Variants in DNAH11 observed in about 807,000 individuals in gnomAD.
DNAH11 encodes the protein dynein axonemal heavy chain 11, also known as axonemal beta dynein heavy chain 11.
DNAH11 carries 442 observed loss-of-function variants against 526.0 expected under a neutral mutation model. The ratio of observed to expected loss-of-function variants is 0.84; its 90% CI spans 0.78 to 0.91. The LOEUF (loss-of-function observed/expected upper bound fraction) is 0.91, where lower values mean the gene tolerates loss of function less well. Ranked by LOEUF, DNAH11 falls within the 40% of genes least tolerant of loss-of-function variation. DNAH11 has a pLI of 0.00. For missense variants in DNAH11, 6,989 were observed against 5,448.7 expected, an observed-to-expected ratio of 1.28 and a Z score of -8.90; for synonymous variants, 2,461 against 1,935.9, an observed-to-expected ratio of 1.27 and a Z score of -7.12.
Position 21,854,431 on chromosome 7 carries a change from C to A in DNAH11, c.11178C>A (p.Asn3726Lys), listed in dbSNP as rs774414773. The A allele has an allele frequency of 6.2e-7, 1 of 1,613,722 alleles. No individual in the cohort carries two copies. The highest frequency in any genetic ancestry group is 8.5e-7 in the Non-Finnish European group (1 of 1,179,804). Reference protein sequence around the residue: ...YFVINDLQKINPLYQFSLKAF... With the variant: ...YFVINDLQKIKPLYQFSLKAF... ...TTATTAATGACCTCCAAAAAATCAA[C>A]CCCCTCTACCAATTCTCTTTGAAGG... The change falls in exon 68 of 82, where the codon AAC (asparagine) becomes AAA (lysine). Residue 3726 changes from asparagine to lysine, a missense_variant. Coordinates refer to ENST00000409508, the MANE Select transcript of DNAH11 (RefSeq NM_001277115.2).
chr7:21,705,332 T>A, intron 38 of DNAH11, 128 bp from the exon 39 acceptor site: 1 of 815,804 alleles, frequency 1.2e-6, no homozygotes, highest in South Asian at 1.7e-5. Context: ...TTTAACTTTC[T>A]CTGAACATAC....
At chr7:21,785,158 T>C (rs1018663152) in intron 58 of DNAH11, among the ~76,000 whole-genome samples, 2 of 152,204 alleles carry the variant, frequency 1.3e-5, no homozygotes, top group Admixed American at 6.5e-5. Context: ...CTGCCAGACC[T>C]CTGGGGAGAG....
At chr7:21,619,843 A>C (rs983352583) in intron 24 of DNAH11, 113 bp from the exon 25 acceptor site, 3 of 995,230 alleles carry the variant, frequency 3.0e-6, no homozygotes, top group South Asian at 1.6e-5. Context: ...AGCCAATAAT[A>C]CTTGATATCA....
At chr7:21,871,143 A>G (rs2128037226) in intron 73 of DNAH11, among the ~76,000 whole-genome samples, 1 of 152,380 alleles carries the variant, frequency 6.6e-6, no homozygotes, top group South Asian at 2.1e-4. Flanking sequence ...GTGTTTAGAT[A>G]GTAGTTAATC....
intron 30 of DNAH11, among the ~76,000 whole-genome samples, chr7:21,664,134 GTT>G (rs5882820): frequency 1.5e-5 from 2 of 131,364 alleles, no homozygotes; most frequent in Non-Finnish European, 3.2e-5. Context: ...ATTTCCCAAA[GTT>G]TTTTTTTTTT....
At chr7:21,727,793 G>C (rs996502627) in intron 45 of DNAH11, among the ~76,000 whole-genome samples, 1 of 152,194 alleles carries the variant, frequency 6.6e-6, no homozygotes, top group African/African-American at 2.4e-5. Flanking sequence ...AAAGACCAAA[G>C]ACCAGGTGGC....
chr7:21,872,212 C>T (rs963524354), intron 73 of DNAH11, among the ~76,000 whole-genome samples: 5 of 147,208 alleles, frequency 3.4e-5, no homozygotes, highest in Non-Finnish European at 7.5e-5. Context: ...CAAATACAGT[C>T]ACATTATGAG....
chr7:21,843,358 A>G (rs1365605990), intron 66 of DNAH11, among the ~76,000 whole-genome samples: 3 of 152,218 alleles, frequency 2.0e-5, no homozygotes, highest in African/African-American at 7.2e-5. Flanking sequence ...GAAGTGATAT[A>G]GTAGATATAC....
Position 21,599,984 on chromosome 7 carries a change from T to G in DNAH11, c.2865T>G (p.Ile955Met), listed in dbSNP as rs1785013444. 6.2e-7 allele frequency: 1 copy of G among 1,613,682 alleles called. No individual in the cohort carries two copies. Among genetic ancestry groups the G allele is most frequent in the African/African-American group, 1.3e-5 (1 of 74,912 alleles). The change falls in exon 15 of 82, where the codon ATT becomes ATG. Residue 955 changes from isoleucine (I) to methionine (M), a missense_variant. Transcript: ENST00000409508. ...QAQMILLPPEIVFKPSLDREA... is the reference protein window; with the variant it reads ...QAQMILLPPEMVFKPSLDREA... ...AAATGATCTTGTTGCCTCCTGAGAT[T>G]GTGTTTAAACCTTCCCTAGACAGAG...
intron 73 of DNAH11, among the ~76,000 whole-genome samples, chr7:21,869,555 G>C (rs188065301): frequency 6.6e-6 from 1 of 152,232 alleles, no homozygotes; most frequent in African/African-American, 2.4e-5. Flanking sequence ...CAACCTCACA[G>C]ATTGAATACC....
chr7:21,734,825 T>C (rs917006467), intron 45 of DNAH11, among the ~76,000 whole-genome samples: 11 of 151,376 alleles, frequency 7.3e-5, no homozygotes, highest in African/African-American at 2.7e-4. Flanking sequence ...GCCACTGCAC[T>C]CCAGCCTGGG....
intron 31 of DNAH11, 89 bp downstream of exon 31, chr7:21,681,766 T>C: frequency 6.6e-7 from 1 of 1,515,338 alleles, no homozygotes; most frequent in South Asian, 1.1e-5. Context: ...AGTCGTTGTT[T>C]TTTTGAAAGT....
intron 50 of DNAH11, 67 bp downstream of exon 50, chr7:21,744,666 G>A (rs1786064135): frequency 6.3e-7 from 1 of 1,582,420 alleles, no homozygotes; most frequent in South Asian, 1.2e-5. Flanking sequence ...ACTAAAGTTA[G>A]ATGAGGGTAT....
chr7:21,788,388 A>G (rs550458281), intron 60 of DNAH11, among the ~76,000 whole-genome samples: 20 of 152,030 alleles, frequency 1.3e-4, no homozygotes, highest in African/African-American at 2.2e-4. Context: ...TTTAGTGGCA[A>G]TCTTCATAAG....
At chr7:21,894,097 C>A (rs903044407) in intron 77 of DNAH11, among the ~76,000 whole-genome samples, 17 of 152,176 alleles carry the variant, frequency 1.1e-4, no homozygotes, top group African/African-American at 4.1e-4. Context: ...CCATGTTGGC[C>A]AGGCTGGTCT....
At chr7:21,614,097 G>C (rs1285428104) in intron 20 of DNAH11, among the ~76,000 whole-genome samples, 1 of 152,230 alleles carries the variant, frequency 6.6e-6, no homozygotes, top group South Asian at 2.1e-4. Flanking sequence ...AAAGCATCAT[G>C]TTGTACGTGA....
intron 36 of DNAH11, among the ~76,000 whole-genome samples, chr7:21,699,081 C>CT (rs1214369640): frequency 6.6e-6 from 1 of 152,040 alleles, no homozygotes; most frequent in Non-Finnish European, 1.5e-5. Flanking sequence ...TGTTGCCTCC[C>CT]TTTCTTCGTG....
intron 28 of DNAH11, among the ~76,000 whole-genome samples, chr7:21,647,220 C>G (rs1232754169): frequency 1.3e-5 from 2 of 151,932 alleles, no homozygotes; most frequent in African/African-American, 2.4e-5. Flanking sequence ...AGTGTAAATT[C>G]ACAGACTTAA....
rs1014120914 is a variant in DNAH11, at chr7:21,702,633, T to C, written c.6181-77T>C. ...TTTATCTGAACTCCTTCTTAAAAAC[T>C]TTCAGCTCTTACCTCTGGAATGAGA... On this transcript the variant is annotated intron_variant, in intron 36 of 81. Coordinates refer to ENST00000409508, the MANE Select transcript of DNAH11 (RefSeq NM_001277115.2). 6 of 1,265,184 alleles carry C rather than the reference T, an allele frequency of 4.7e-6. No homozygotes were observed. The South Asian group carries it at 7.8e-5, about 16-fold the overall frequency. The allele number at this position is 1,265,184 out of a possible 1,614,324, so 78.4% of individuals were successfully genotyped here. A position where few individuals can be genotyped will look rare whatever the true frequency, so the allele number is the denominator to read the frequency against.
Sources: gnomAD v4.1 joint callset for allele counts (sites outside exome capture counted in the v4.1 genomes callset) on GRCh38, gnomAD v4.1.1 for gene constraint, MANE v1.5 for transcripts, NCBI Gene and HGNC (gene_info 2026-07-23, HGNC 2026-07-21) for gene names.